The following DOCK5 variants were observed in gnomAD, a reference collection of about 807,000 sequenced individuals.
The protein encoded by DOCK5 is dedicator of cytokinesis 5.
In DOCK5, 142 loss-of-function variants were observed where a neutral mutation model predicts 251.8. That is an observed-to-expected ratio of 0.56 (90% confidence interval 0.49 to 0.65). The LOEUF (loss-of-function observed/expected upper bound fraction) is 0.65. Among genes scored for constraint, DOCK5 ranks in the 30% least tolerant of loss-of-function variants. DOCK5 has a pLI of 0.00. For missense variants in DOCK5, 2,111 were observed against 2,312.3 expected, an observed-to-expected ratio of 0.91 and a Z score of 1.79; for synonymous variants, 842 against 835.5, an observed-to-expected ratio of 1.01 and a Z score of -0.13.
chr8:25,357,915 A>T (rs1800607097), intron 27 of DOCK5, among the ~76,000 whole-genome samples: 1 of 152,112 alleles, frequency 6.6e-6, no homozygotes, highest in African/African-American at 2.4e-5. Context: ...TCTATAATTC[A>T]CATTTTTTTG....
intron 5 of DOCK5, 144 bp from the exon 6 acceptor site, chr8:25,291,880 A>AG: frequency 1.1e-6 from 1 of 913,090 alleles, no homozygotes; most frequent in South Asian, 1.9e-5. Context: ...CACAAAAAAA[A>AG]AAAAAAAAAG....
chr8:25,399,767 G>A, intron 45 of DOCK5, 144 bp from the exon 46 acceptor site: 1 of 637,658 alleles, frequency 1.6e-6, no homozygotes, highest in Non-Finnish European at 2.8e-6. Context: ...GTCCAACATA[G>A]TATAAGAGCT....
In DOCK5 at chr8:25,403,689, G is replaced by T; in HGVS notation, c.5058G>T (p.Ser1686=). ...CTGTGGTTTCCACCTCTTCAAACTC[G>T]TCTGACAATGCTCCTTCCAGACCGG... ...TSSVVSTSSN[S]SDNAPSRPGS... is the part of the protein sequence containing the mutation. Residue 1686 remains serine, a synonymous_variant, in exon 48 of 52, where the codon TCG becomes TCT. Transcript: ENST00000276440. 6.2e-7 allele frequency: 1 copy of T among 1,613,830 alleles called. No homozygotes were observed. Among genetic ancestry groups the T allele is most frequent in the Non-Finnish European group, 8.5e-7 (1 of 1,179,854 alleles).
At chr8:25,259,636 A>AT (rs1199817651) in intron 2 of DOCK5, among the ~76,000 whole-genome samples, 2 of 151,838 alleles carry the variant, frequency 1.3e-5, no homozygotes, top group Non-Finnish European at 2.9e-5. Flanking sequence ...TTTAAAAAAA[A>AT]TTTTTTTAGA....
intron 47 of DOCK5, among the ~76,000 whole-genome samples, chr8:25,402,539 G>T (rs958922928): frequency 6.6e-6 from 1 of 151,798 alleles, no homozygotes; most frequent in African/African-American, 2.4e-5. Context: ...CTTGTGATCC[G>T]CCTGCCTCGG....
In DOCK5 at chr8:25,362,417, T is replaced by C. The variant is rs375074185; in HGVS notation, c.2950-630T>C. Among the ~76,000 whole-genome samples, 59 of 151,858 alleles carry C rather than the reference T, an allele frequency of 3.9e-4. No homozygotes were observed. The South Asian group carries it at 0.011, about 30-fold the overall frequency. On this transcript the variant is annotated intron_variant, in intron 28 of 51. Transcript: ENST00000276440. ...CAAGTTCTCATCCAGCTCTTCTCCT[T>C]CCCACTTTCTTTTTTTCCTTTTTTC...
chr8:25,394,627 T>C (rs569737223), intron 44 of DOCK5, among the ~76,000 whole-genome samples: 8 of 152,164 alleles, frequency 5.3e-5, no homozygotes, highest in Non-Finnish European at 1.2e-4. Context: ...AGATCTGATA[T>C]CCTGCTGTTC....
At chr8:25,242,662 G>T (rs564414247) in intron 1 of DOCK5, among the ~76,000 whole-genome samples, 1 of 152,162 alleles carries the variant, frequency 6.6e-6, no homozygotes, top group Admixed American at 6.5e-5. Flanking sequence ...TTAAAATTGG[G>T]TTGTCTTCTT....
intron 2 of DOCK5, among the ~76,000 whole-genome samples, chr8:25,257,830 A>G (rs751962298): frequency 2.0e-5 from 3 of 152,218 alleles, no homozygotes; most frequent in Admixed American, 6.5e-5. Context: ...CAAAACCAGC[A>G]TAAGAGTGAG....
chr8:25,278,735 G>T (rs1215081642), intron 5 of DOCK5, 70 bp downstream of exon 5: 1 of 1,422,172 alleles, frequency 7.0e-7, no homozygotes. Flanking sequence ...CCTTTGCAGG[G>T]TGTTGGCCCC....
intron 43 of DOCK5, among the ~76,000 whole-genome samples, chr8:25,392,212 G>A (rs998331964): frequency 2.6e-5 from 4 of 151,690 alleles, no homozygotes; most frequent in African/African-American, 7.3e-5. Context: ...GCTGAGGCAC[G>A]AGAATTGCTT....
chr8:25,193,766 A>C lies in DOCK5; in HGVS notation c.43+8815A>C, dbSNP rs530667812. On this transcript the variant is annotated intron_variant, in intron 1 of 51. Coordinates refer to ENST00000276440, the MANE Select transcript of DOCK5 (RefSeq NM_024940.8). ...GGTGAGCGAGTGAGACCCTGGTCAA[A>C]AAAAAGGCAGAAAAATAAGAGAAAT... Among the ~76,000 whole-genome samples, 22 of 152,220 alleles carry C rather than the reference A, an allele frequency of 1.4e-4. No homozygotes were observed. The South Asian group carries it at 4.4e-3, about 30-fold the overall frequency.
chr8:25,407,610 G>A (rs544809040), intron 48 of DOCK5, among the ~76,000 whole-genome samples: 8 of 152,188 alleles, frequency 5.3e-5, no homozygotes, highest in Non-Finnish European at 7.4e-5. Context: ...GGTGGCTCAC[G>A]CCTCTAGCCT....
Position 25,208,785 on chromosome 8 carries a change from A to C in DOCK5, c.43+23834A>C, listed in dbSNP as rs1413047183. Among the ~76,000 whole-genome samples the C allele has an allele frequency of 3.9e-5, 6 of 152,216 alleles. No individual in the cohort carries two copies. The East Asian group carries it at 1.2e-3, about 29-fold the overall frequency. ...TCCACAGTATCTCCTAGGTATGCCT[A>C]TATAGCAAATTTCTTAAGAATAGAG... On this transcript the variant is annotated intron_variant, in intron 1 of 51. Coordinates refer to ENST00000276440, the MANE Select transcript of DOCK5 (RefSeq NM_024940.8).
chr8:25,223,578 A>G (rs536764944), intron 1 of DOCK5, among the ~76,000 whole-genome samples: 1 of 152,136 alleles, frequency 6.6e-6, no homozygotes, highest in Admixed American at 6.5e-5. Context: ...GCCTCCTACC[A>G]TGCTGGAATT....
intron 18 of DOCK5, among the ~76,000 whole-genome samples, chr8:25,330,346 A>G (rs1586334347): frequency 6.6e-6 from 1 of 152,218 alleles, no homozygotes; most frequent in East Asian, 1.9e-4. Context: ...AAGGCAAGAT[A>G]AAAGAATGAA....
At position 25,373,835 on chromosome 8, in the gene DOCK5, G is replaced by C. The variant is rs561204232; in HGVS notation, c.3725+177G>C. ...ACTCTTTAGACAGATACATGAATAAGTACGACAGGAAGGAGTGCCTATGTG... is the reference window on the plus strand; with the variant it reads ...ACTCTTTAGACAGATACATGAATAACTACGACAGGAAGGAGTGCCTATGTG... On this transcript the variant is annotated intron_variant, in intron 36 of 51. Coordinates refer to ENST00000276440, the MANE Select transcript of DOCK5 (RefSeq NM_024940.8). Among the ~76,000 whole-genome samples, 16 of 152,266 alleles carry C rather than the reference G, an allele frequency of 1.1e-4. No individual in the cohort carries two copies. In the South Asian group the frequency reaches 3.3e-3, roughly 32 times the overall value.
At chr8:25,374,394 C>T (rs2117290207) in intron 36 of DOCK5, among the ~76,000 whole-genome samples, 170 bp from the exon 37 acceptor site, 1 of 152,222 alleles carries the variant, frequency 6.6e-6, no homozygotes, top group East Asian at 1.9e-4. Flanking sequence ...ACTTAGGAGG[C>T]TAAGGTGGGT....
At chr8:25,224,469 T>C (rs912672554) in intron 1 of DOCK5, among the ~76,000 whole-genome samples, 5 of 152,236 alleles carry the variant, frequency 3.3e-5, no homozygotes, top group African/African-American at 1.2e-4. Flanking sequence ...CTTTTCACTA[T>C]GTGGCATATA....
Sources: gnomAD v4.1 joint callset for allele counts (sites outside exome capture counted in the v4.1 genomes callset) on GRCh38, gnomAD v4.1.1 for gene constraint, MANE v1.5 for transcripts, NCBI Gene and HGNC (gene_info 2026-07-23, HGNC 2026-07-21) for gene names.